The following BRINP3 variants were observed in gnomAD, a reference collection of about 807,000 sequenced individuals.
The protein encoded by BRINP3 is BMP/retinoic acid-inducible neural-specific protein 3.
In BRINP3, 19 loss-of-function variants were observed where a neutral mutation model predicts 71.0. The observed-to-expected ratio is 0.27, with a 90% confidence interval of 0.19 to 0.39. The LOEUF (loss-of-function observed/expected upper bound fraction) is 0.39, where lower values mean the gene tolerates loss of function less well. Among genes scored for constraint, BRINP3 ranks in the 10% least tolerant of loss-of-function variants. BRINP3 has a pLI of 1.00. For missense variants in BRINP3, 959 were observed against 940.8 expected (o/e 1.02, Z -0.25); for synonymous variants, 380 against 337.7 (o/e 1.13, Z -1.37).
intron 2 of BRINP3, among the ~76,000 whole-genome samples, chr1:190,308,523 A>G (rs61818760): frequency 4.6e-5 from 7 of 151,876 alleles, no homozygotes; most frequent in East Asian, 2.0e-4. Context: ...GGATAGCATT[A>G]GGTGATATAC....
At chr1:190,276,939 A>G (rs1662605062) in intron 3 of BRINP3, among the ~76,000 whole-genome samples, 1 of 150,058 alleles carries the variant, frequency 6.7e-6, no homozygotes, top group South Asian at 2.1e-4. Flanking sequence ...TAATAATTTA[A>G]TTATAGCTTT....
intron 4 of BRINP3, among the ~76,000 whole-genome samples, chr1:190,238,764 T>C (rs1658774610): frequency 6.6e-6 from 1 of 152,108 alleles, no homozygotes; most frequent in South Asian, 2.1e-4. Flanking sequence ...TTATATGAGC[T>C]AGATACACAG....
intron 4 of BRINP3, among the ~76,000 whole-genome samples, chr1:190,236,947 AT>A (rs1300768341): frequency 6.6e-6 from 1 of 151,886 alleles, no homozygotes; most frequent in African/African-American, 2.4e-5. Flanking sequence ...GCTCATACTC[AT>A]TGACATAGTG....
chr1:190,190,031 T>C (rs1653895890), intron 6 of BRINP3, among the ~76,000 whole-genome samples: 1 of 151,964 alleles, frequency 6.6e-6, no homozygotes, highest in Non-Finnish European at 1.5e-5. Flanking sequence ...GGACATTGAG[T>C]TCTGTCTGTG....
chr1:190,110,869 A>G (rs912363078), intron 7 of BRINP3, among the ~76,000 whole-genome samples: 1 of 152,170 alleles, frequency 6.6e-6, no homozygotes, highest in Non-Finnish European at 1.5e-5. Flanking sequence ...TTGAATCACA[A>G]TCTATGATTC....
intron 7 of BRINP3, among the ~76,000 whole-genome samples, chr1:190,139,170 C>A (rs1357078108): frequency 6.6e-6 from 1 of 151,702 alleles, no homozygotes; most frequent in African/African-American, 2.4e-5. Context: ...AATGATCGGC[C>A]CGGAGCCGTG....
At chr1:190,280,942 C>A (rs1662988842) in intron 3 of BRINP3, among the ~76,000 whole-genome samples, 1 of 151,790 alleles carries the variant, frequency 6.6e-6, no homozygotes, top group South Asian at 2.1e-4. Context: ...TGCTGAATCA[C>A]ACATCACTAT....
intron 6 of BRINP3, among the ~76,000 whole-genome samples, chr1:190,201,215 G>A (rs566681574): frequency 1.3e-5 from 2 of 152,306 alleles, no homozygotes; most frequent in East Asian, 3.9e-4. Flanking sequence ...GACAATTGGA[G>A]CAAAGGCAGG....
At chr1:190,334,251 G>C (rs1198181126) in intron 2 of BRINP3, among the ~76,000 whole-genome samples, 2 of 151,604 alleles carry the variant, frequency 1.3e-5, no homozygotes, top group African/African-American at 2.4e-5. Flanking sequence ...TCTTGTTTTT[G>C]AAGGCCCCTG....
At chr1:190,104,771 T>C (rs1396733722) in intron 7 of BRINP3, among the ~76,000 whole-genome samples, 2 of 152,070 alleles carry the variant, frequency 1.3e-5, no homozygotes, top group Non-Finnish European at 2.9e-5. Flanking sequence ...CATATGTTGA[T>C]AGAAAAACAA....
intron 6 of BRINP3, among the ~76,000 whole-genome samples, chr1:190,197,535 C>A (rs182032917): frequency 6.6e-6 from 1 of 152,098 alleles, no homozygotes; most frequent in Non-Finnish European, 1.5e-5. Flanking sequence ...CATTCCAAAT[C>A]GGGGAAATTG....
intron 2 of BRINP3, among the ~76,000 whole-genome samples, chr1:190,382,546 A>T (rs996838797): frequency 6.6e-6 from 1 of 152,104 alleles, no homozygotes; most frequent in East Asian, 1.9e-4. Flanking sequence ...GAAAACGGAC[A>T]CTCATTCCTT....
intron 4 of BRINP3, among the ~76,000 whole-genome samples, chr1:190,236,567 A>C (rs1356412863): frequency 6.6e-6 from 1 of 151,974 alleles, no homozygotes; most frequent in East Asian, 1.9e-4. Flanking sequence ...AAATAGCCAG[A>C]GTTGACAGTG....
Position 190,384,146 on chromosome 1 carries a change from G to GTT in BRINP3, c.236+70507_236+70508dup, listed in dbSNP as rs548061853. Reference sequence around the variant, plus strand: ...TAATGAGATAATATTGGCCACAAATGTTTTTTTTTTCATTGCCTTATCATT... The same window carrying GTT: ...TAATGAGATAATATTGGCCACAAATGTTTTTTTTTTTTCATTGCCTTATCATT... On this transcript the variant is annotated intron_variant, in intron 2 of 7. Transcript: ENST00000367462. 1.4e-3 allele frequency among the ~76,000 whole-genome samples: 206 copies of GTT among 146,194 alleles called. 1 individual carries two copies. Among genetic ancestry groups the GTT allele is most frequent in the African/African-American group, 4.9e-3 (198 of 40,054 alleles).
chr1:190,398,793 A>G (rs1310939696), intron 2 of BRINP3, among the ~76,000 whole-genome samples: 1 of 152,016 alleles, frequency 6.6e-6, no homozygotes, highest in Non-Finnish European at 1.5e-5. Context: ...GGGATAATCA[A>G]ATAAATGGAA....
At chr1:190,308,890 G>A (rs1342441432) in intron 2 of BRINP3, among the ~76,000 whole-genome samples, 1 of 151,536 alleles carries the variant, frequency 6.6e-6, no homozygotes, top group Admixed American at 6.6e-5. Context: ...GGCAGTTTGG[G>A]GACATAAAAT....
chr1:190,356,601 G>A (rs772058213), intron 2 of BRINP3, among the ~76,000 whole-genome samples: 1 of 151,884 alleles, frequency 6.6e-6, no homozygotes, highest in Non-Finnish European at 1.5e-5. Flanking sequence ...GTCACATCTT[G>A]TTCTCTGGTT....
At chr1:190,206,532 A>C (rs1655517668) in intron 6 of BRINP3, among the ~76,000 whole-genome samples, 1 of 152,104 alleles carries the variant, frequency 6.6e-6, no homozygotes, top group Non-Finnish European at 1.5e-5. Flanking sequence ...TACTAAGAGC[A>C]GTCTTCATGA....
chr1:190,321,470 TA>T (rs1233304065), intron 2 of BRINP3, among the ~76,000 whole-genome samples: 1 of 152,100 alleles, frequency 6.6e-6, no homozygotes, highest in Non-Finnish European at 1.5e-5. Context: ...TTTATAGAAA[TA>T]AAAATGAGAC....
Sources: gnomAD v4.1 joint callset for allele counts (sites outside exome capture counted in the v4.1 genomes callset) on GRCh38, gnomAD v4.1.1 for gene constraint, MANE v1.5 for transcripts, NCBI Gene and HGNC (gene_info 2026-07-23, HGNC 2026-07-21) for gene names.